The following ARHGAP42 variants were observed in gnomAD, a reference collection of about 807,000 sequenced individuals.
The protein encoded by ARHGAP42 is rho GTPase-activating protein 42.
In ARHGAP42, 63 loss-of-function variants were observed where a neutral mutation model predicts 125.0. That is an observed-to-expected ratio of 0.50 (90% confidence interval 0.41 to 0.62). The LOEUF (loss-of-function observed/expected upper bound fraction) is 0.62, where lower values mean the gene tolerates loss of function less well. Among genes scored for constraint, ARHGAP42 ranks in the 20% least tolerant of loss-of-function variants. The pLI is 0.00. For missense variants in ARHGAP42, 766 were observed against 1,024.2 expected (o/e 0.75, Z 3.44); for synonymous variants, 339 against 351.0 (o/e 0.97, Z 0.38).
chr11:100,967,293 G>A (rs1013972365), intron 17 of ARHGAP42, among the ~76,000 whole-genome samples: 1 of 152,132 alleles, frequency 6.6e-6, no homozygotes, highest in South Asian at 2.1e-4. Flanking sequence ...TTTGCTATCT[G>A]TGGTGTTTTC....
At chr11:100,901,963 G>T (rs1866565558) in intron 4 of ARHGAP42, among the ~76,000 whole-genome samples, 1 of 152,222 alleles carries the variant, frequency 6.6e-6, no homozygotes, top group Non-Finnish European at 1.5e-5. Context: ...AGGTACCTCA[G>T]TGCAGAAATC....
intron 4 of ARHGAP42, among the ~76,000 whole-genome samples, chr11:100,899,287 G>T (rs547857449): frequency 4.7e-4 from 71 of 152,302 alleles, no homozygotes; most frequent in Non-Finnish European, 9.1e-4. Flanking sequence ...TAGAATAAGT[G>T]CAATCTGGTG....
rs530332922 is a variant in ARHGAP42 at position 100,838,293 on chromosome 11, A to G, written c.313-21261A>G. On this transcript the variant is annotated intron_variant, in intron 3 of 23. Transcript: ENST00000298815. ...AAAGCGGTGTCTGCCAAGTTTTCCC[A>G]CTATGGCCTTACCTTTTCTCTCTTT... Among the ~76,000 whole-genome samples the G allele has an allele frequency of 1.2e-4, 18 of 152,196 alleles. 1 individual carries two copies. Among genetic ancestry groups the G allele is most frequent in the South Asian group, 1.0e-3 (5 of 4,814 alleles).
At chr11:100,894,116 G>A (rs1399761732) in intron 4 of ARHGAP42, among the ~76,000 whole-genome samples, 6 of 152,164 alleles carry the variant, frequency 3.9e-5, no homozygotes, top group Admixed American at 3.9e-4. Context: ...TGAAAATAAA[G>A]TAATGGAAAA....
intron 3 of ARHGAP42, among the ~76,000 whole-genome samples, chr11:100,825,363 A>G (rs559677278): frequency 8.5e-5 from 13 of 152,208 alleles, no homozygotes; most frequent in Non-Finnish European, 1.9e-4. Context: ...ACAGTTCAAC[A>G]TAACTTCATA....
chr11:100,849,677 C>G (rs1865157719), intron 3 of ARHGAP42, among the ~76,000 whole-genome samples: 1 of 151,978 alleles, frequency 6.6e-6, no homozygotes, highest in African/African-American at 2.4e-5. Flanking sequence ...TTTCTCTTCC[C>G]CCTAATTCTC....
chr11:100,843,392 C>G (rs1222701923), intron 3 of ARHGAP42, among the ~76,000 whole-genome samples: 2 of 151,682 alleles, frequency 1.3e-5, no homozygotes, highest in African/African-American at 4.8e-5. Flanking sequence ...GTCATTCTAC[C>G]AAGACAAGGA....
intron 1 of ARHGAP42, among the ~76,000 whole-genome samples, chr11:100,706,294 T>C (rs1861481964): frequency 6.6e-6 from 1 of 152,222 alleles, no homozygotes; most frequent in Admixed American, 6.5e-5. Flanking sequence ...ACCAAATCTT[T>C]GGGACTCAGG....
rs547189365 is a variant in ARHGAP42, at chr11:100,687,326, C to G, written c.-353C>G. ...CTGTCAAGAGAGTTGGGGAGTGGAA[C>G]TGCCGGAAGTGTCTGCGCGCCGTGA... On this transcript the variant is annotated 5_prime_UTR_variant, in exon 1 of 24. Coordinates refer to ENST00000298815, the MANE Select transcript of ARHGAP42 (RefSeq NM_152432.4). Among the ~76,000 whole-genome samples, 1 of 152,206 alleles carries G rather than the reference C, an allele frequency of 6.6e-6. No individual in the cohort carries two copies. The highest frequency in any genetic ancestry group is 2.1e-4 in the South Asian group (1 of 4,832).
chr11:100,859,447 CA>C (rs1388295745), intron 3 of ARHGAP42, 106 bp from the exon 4 acceptor site: 5 of 931,568 alleles, frequency 5.4e-6, no homozygotes, highest in East Asian at 3.0e-5. Context: ...TAGATGCAAA[CA>C]AAAACAAAAA....
In ARHGAP42 at chr11:100,706,136, C is replaced by T. The variant is rs563408239; in HGVS notation, c.154+18304C>T. ...CTGGGACTACAGGCGCGTGCCACCA[C>T]GCCCAGAGTTAGCTGACTTTTTAAG... On this transcript the variant is annotated intron_variant, in intron 1 of 23. Coordinates refer to ENST00000298815, the MANE Select transcript of ARHGAP42 (RefSeq NM_152432.4). Among the ~76,000 whole-genome samples, 26 of 152,216 alleles carry T rather than the reference C, an allele frequency of 1.7e-4. No homozygotes were observed. The East Asian group carries it at 3.7e-3, about 22-fold the overall frequency.
chr11:100,986,574 A>G (rs1308651932), intron 22 of ARHGAP42, among the ~76,000 whole-genome samples: 1 of 152,134 alleles, frequency 6.6e-6, no homozygotes, highest in Non-Finnish European at 1.5e-5. Context: ...TCTATAGATA[A>G]TGGATTGTAA....
At chr11:100,784,435 G>A (rs1480097968) in intron 2 of ARHGAP42, among the ~76,000 whole-genome samples, 1 of 152,170 alleles carries the variant, frequency 6.6e-6, no homozygotes, top group African/African-American at 2.4e-5. Flanking sequence ...AATGTAATAT[G>A]ACAGCAGAGA....
At chr11:100,859,722 T>G in intron 4 of ARHGAP42, 97 bp downstream of exon 4, 11 of 994,938 alleles carry the variant, frequency 1.1e-5, no homozygotes, top group Non-Finnish European at 1.6e-5. Flanking sequence ...AATGACCTTT[T>G]AAAAGATTTT....
rs1186799220 is a variant in ARHGAP42, at chr11:100,973,230, T to C, written c.1606T>C (p.Phe536Leu). ...LMTVSNLGVI[F>L]GPTLMRAQEE... ...GACTGTCTCAAATCTTGGTGTCATA[T>C]TTGGCCCAACTCTAATGAGAGCACA... Residue 536 changes from phenylalanine to leucine, a missense_variant, in exon 18 of 24, where the codon TTT becomes CTT. This residue lies in a region of ARHGAP42 where 455 missense variants were observed against 636.5 expected (regional missense o/e 0.71). Coordinates refer to ENST00000298815, the MANE Select transcript of ARHGAP42 (RefSeq NM_152432.4). 6.4e-7 allele frequency: 1 copy of C among 1,551,042 alleles called. No individual in the cohort carries two copies. Among genetic ancestry groups the C allele is most frequent in the Non-Finnish European group, 8.7e-7 (1 of 1,146,666 alleles).
At chr11:100,776,205 C>T (rs507695) in intron 2 of ARHGAP42, among the ~76,000 whole-genome samples, 42,095 of 151,710 alleles carry the variant, frequency 0.28, 6,047 homozygotes, top group Non-Finnish European at 0.31. Context: ...GAACTAGTGC[C>T]AATAAAAATG....
rs528633750 is a variant in ARHGAP42 at position 100,990,774 on chromosome 11, T to G, written c.*1973T>G. ...ACAGCACCCTTGGTTTAAGCACACTTGCCATCATCTGGTATCCTGCTAGAC... is the reference window on the plus strand; with the variant it reads ...ACAGCACCCTTGGTTTAAGCACACTGGCCATCATCTGGTATCCTGCTAGAC... On this transcript the variant is annotated 3_prime_UTR_variant, in exon 24 of 24. Coordinates refer to ENST00000298815, the MANE Select transcript of ARHGAP42 (RefSeq NM_152432.4). 1.3e-5 allele frequency: 2 copies of G among 152,666 alleles called. No homozygotes were observed. Among genetic ancestry groups the G allele is most frequent in the East Asian group, 1.9e-4 (1 of 5,180 alleles). The allele number at this position is 152,666 out of a possible 1,614,324, so 9.5% of individuals were successfully genotyped here. A position where few individuals can be genotyped will look rare whatever the true frequency, so the allele number is the denominator to read the frequency against.
intron 1 of ARHGAP42, among the ~76,000 whole-genome samples, chr11:100,727,901 C>T (rs1861888775): frequency 6.6e-6 from 1 of 152,130 alleles, no homozygotes; most frequent in Non-Finnish European, 1.5e-5. Context: ...TGTGGATAAC[C>T]TAAGGCCCTA....
At chr11:100,929,288 A>C (rs1312556391) in intron 6 of ARHGAP42, among the ~76,000 whole-genome samples, 2 of 152,164 alleles carry the variant, frequency 1.3e-5, no homozygotes. Context: ...ATCTGATAGG[A>C]GGCAGAGCTC....
Sources: gnomAD v4.1 joint callset for allele counts (sites outside exome capture counted in the v4.1 genomes callset) on GRCh38, gnomAD v4.1.1 for gene constraint, gnomAD v4.1.1 regional missense constraint, MANE v1.5 for transcripts, NCBI Gene and HGNC (gene_info 2026-07-23, HGNC 2026-07-21) for gene names.